STON2: variants seen among roughly 807,000 people sequenced by gnomAD.
STON2 encodes stonin-2.
STON2 carries 29 observed loss-of-function variants against 65.7 expected under a neutral mutation model. That is an observed-to-expected ratio of 0.44 (90% confidence interval 0.33 to 0.60). STON2 has a LOEUF of 0.60. Among genes scored for constraint, STON2 ranks in the 20% least tolerant of loss-of-function variants. The pLI is 0.03. For missense variants in STON2, 1,054 were observed against 1,118.1 expected (o/e 0.94, Z 0.82); for synonymous variants, 404 against 414.2 (o/e 0.98, Z 0.30).
At chr14:81,331,540 T>C (rs1404922055) in intron 4 of STON2, among the ~76,000 whole-genome samples, 1 of 152,106 alleles carries the variant, frequency 6.6e-6, no homozygotes, top group Non-Finnish European at 1.5e-5. Context: ...TCAGGCAAAG[T>C]TGTTAGACCC....
At chr14:81,306,591 TA>T (rs1339956021) in intron 5 of STON2, 2 of 152,128 alleles carry the variant, frequency 1.3e-5, no homozygotes, top group Non-Finnish European at 1.5e-5. Flanking sequence ...AGCACAGAGT[TA>T]AAGTCTGATC....
Position 81,277,193 on chromosome 14 carries a change from C to A in STON2, c.2289G>T (p.Trp763Cys), listed in dbSNP as rs1473724906. 1.2e-6 allele frequency: 2 copies of A among 1,614,204 alleles called. No homozygotes were observed. The highest frequency in any genetic ancestry group is 1.7e-6 in the Non-Finnish European group (2 of 1,180,040). The change falls in exon 6 of 8, where the codon TGG becomes TGT. Residue 763 changes from tryptophan (W) to cysteine (C), a missense_variant. Transcript: ENST00000614646. ...VNGAEVEVQS[W>C]LRMSTGFSAN... is the part of the protein sequence containing the mutation. ...CGGAGAAGCCAGTTGACATCCTCAG[C>A]CAGCTCTGCACCTCCACCTCTGCCC...
rs140816654 is a variant in STON2, at chr14:81,413,354, G to C, written c.-199+13748C>G. The C allele has an allele frequency of 1.3e-5, 11 of 818,150 alleles. 2 individuals carry two copies. The highest frequency in any genetic ancestry group is 4.3e-5 in the African/African-American group (2 of 47,032). 50.7% of individuals were successfully genotyped at this position (818,150 alleles called of 1,614,324 possible). ...TTGCTAAGGGAACACCTCGATGTTC[G>C]AACCTTTATTGTGTTTTATACAGGG... On this transcript the variant is annotated intron_variant, in intron 2 of 8. Coordinates refer to the STON2 transcript ENST00000553821.
At chr14:81,353,826 A>G (rs562567519) in intron 4 of STON2, among the ~76,000 whole-genome samples, 1 of 152,270 alleles carries the variant, frequency 6.6e-6, no homozygotes, top group African/African-American at 2.4e-5. Context: ...AACAGGATGT[A>G]GACCTTGGTG....
Position 81,264,081 on chromosome 14 carries a change from T to C in STON2, c.*4333A>G. On this transcript the variant is annotated 3_prime_UTR_variant, in exon 8 of 8. Transcript: ENST00000614646. ...TTTCTTTTCCTACTGACCATTGAAA[T>C]GGGCAAGGCTCAGGCTCATGGATCT... 1 of 985,446 alleles carries C rather than the reference T, an allele frequency of 1.0e-6. No homozygotes were observed. Among genetic ancestry groups the C allele is most frequent in the Non-Finnish European group, 1.2e-6 (1 of 829,934 alleles). The allele number at this position is 985,446 out of a possible 1,614,324, so 61.0% of individuals were successfully genotyped here.
At chr14:81,391,320 T>C (rs1329794656) in intron 3 of STON2, among the ~76,000 whole-genome samples, 2 of 152,246 alleles carry the variant, frequency 1.3e-5, no homozygotes, top group Non-Finnish European at 2.9e-5. Context: ...TGTGGTATTA[T>C]TGCAATATAC....
intron 4 of STON2, among the ~76,000 whole-genome samples, chr14:81,337,007 C>G (rs971899382): frequency 1.3e-5 from 2 of 152,068 alleles, no homozygotes; most frequent in Non-Finnish European, 1.5e-5. Flanking sequence ...GTCTTAGTCC[C>G]AAGGTTCTAA....
At chr14:81,282,813 A>C (rs1895178371) in intron 5 of STON2, among the ~76,000 whole-genome samples, 1 of 152,222 alleles carries the variant, frequency 6.6e-6, no homozygotes, top group Non-Finnish European at 1.5e-5. Flanking sequence ...AGAAAGCAGC[A>C]GTTAGATCTT....
chr14:81,288,778 C>T (rs1895439458), intron 5 of STON2, among the ~76,000 whole-genome samples: 1 of 151,936 alleles, frequency 6.6e-6, no homozygotes, highest in Non-Finnish European at 1.5e-5. Flanking sequence ...CCTATATCTA[C>T]AGGTACCATA....
chr14:81,274,187 T>C (rs1414415146), intron 6 of STON2, among the ~76,000 whole-genome samples: 3 of 152,184 alleles, frequency 2.0e-5, no homozygotes, highest in African/African-American at 7.2e-5. Flanking sequence ...AACATACCAC[T>C]GGCTAGAGAA....
intron 5 of STON2, among the ~76,000 whole-genome samples, chr14:81,313,018 C>T (rs1896485669): frequency 6.6e-6 from 1 of 152,224 alleles, no homozygotes. Context: ...CTCTTCTTGT[C>T]ATTGTCCTCC....
intron 3 of STON2, among the ~76,000 whole-genome samples, chr14:81,380,214 T>C (rs1290385138): frequency 2.0e-5 from 3 of 152,084 alleles, no homozygotes; most frequent in Non-Finnish European, 4.4e-5. Flanking sequence ...AAGATAAACA[T>C]ACGGCAAACA....
chr14:81,270,529 C>G, intron 7 of STON2, 141 bp downstream of exon 7: 1 of 1,570,106 alleles, frequency 6.4e-7, no homozygotes, highest in South Asian at 1.2e-5. Context: ...GCACCCACAG[C>G]TATGTATGGT....
intron 7 of STON2, chr14:81,269,589 CTA>C (rs1894490573): frequency 1.0e-6 from 1 of 985,248 alleles, no homozygotes; most frequent in South Asian, 4.7e-5. Flanking sequence ...GAGGGAGGTG[CTA>C]TTTTTTTCCT....
intron 5 of STON2, among the ~76,000 whole-genome samples, chr14:81,280,724 G>T (rs1326808602): frequency 6.6e-6 from 1 of 152,126 alleles, no homozygotes; most frequent in Non-Finnish European, 1.5e-5. Context: ...TGAAAATGTA[G>T]GCTAGGCCGG....
At chr14:81,394,540 A>G (rs1348356958) in intron 3 of STON2, among the ~76,000 whole-genome samples, 1 of 152,172 alleles carries the variant, frequency 6.6e-6, no homozygotes, top group Non-Finnish European at 1.5e-5. Flanking sequence ...TGATTATGTT[A>G]AGGACCTTGA....
In STON2 at chr14:81,262,753, G is replaced by C. The variant is rs898588544; in HGVS notation, c.*5661C>G. ...AGACTCTTTCCAGCAGATTTGCTAAGGCACACTAGAAGAAATGTAAAAATC... is the reference window on the plus strand; with the variant it reads ...AGACTCTTTCCAGCAGATTTGCTAACGCACACTAGAAGAAATGTAAAAATC... On this transcript the variant is annotated 3_prime_UTR_variant, in exon 8 of 8. Transcript: ENST00000614646. The C allele has an allele frequency of 1.5e-5, 15 of 985,234 alleles. No individual in the cohort carries two copies. In the Admixed American group the frequency reaches 8.0e-4, roughly 52 times the overall value. 61.0% of individuals were successfully genotyped at this position (985,234 alleles called of 1,614,324 possible). A position where few individuals can be genotyped will look rare whatever the true frequency, so the allele number is the denominator to read the frequency against.
chr14:81,337,561 C>T (rs766514755), intron 4 of STON2, among the ~76,000 whole-genome samples: 4 of 152,020 alleles, frequency 2.6e-5, no homozygotes, highest in Non-Finnish European at 5.9e-5. Context: ...TTGGGGAAGG[C>T]CTGTATGAGG....
chr14:81,431,806 G>C (rs978375748), intron 1 of STON2, among the ~76,000 whole-genome samples: 1 of 151,540 alleles, frequency 6.6e-6, no homozygotes, highest in Non-Finnish European at 1.5e-5. Flanking sequence ...TTAGCTGGGC[G>C]TGGTGGTGGG....
Sources: allele counts gnomAD v4.1 joint callset (sites outside exome capture counted in the v4.1 genomes callset), GRCh38; gene constraint gnomAD v4.1.1; transcripts MANE v1.5; gene names NCBI Gene and HGNC (gene_info 2026-07-23, HGNC 2026-07-21).